Variants in FAM83E observed in about 807,000 individuals in gnomAD.
FAM83E encodes protein FAM83E.
A neutral mutation model predicts 34.3 loss-of-function variants in FAM83E; 29 were observed. The ratio of observed to expected loss-of-function variants is 0.85; its 90% CI spans 0.63 to 1.15. The LOEUF (loss-of-function observed/expected upper bound fraction) is 1.15, where lower values mean the gene tolerates loss of function less well. Among genes scored for constraint, FAM83E ranks in the 50% most tolerant of loss-of-function variants. The pLI, the probability that FAM83E is intolerant of heterozygous loss-of-function variation, is 0.00. For synonymous variants in FAM83E, 312 were observed against 311.6 expected (o/e 1.00, Z -0.01); for missense variants, 697 against 685.0 (o/e 1.02, Z -0.20).
chr19:48,603,785 G>C lies in FAM83E; in HGVS notation c.885C>G (p.Pro295=), dbSNP rs776459625. The C allele has an allele frequency of 3.2e-5, 51 of 1,591,804 alleles. No homozygotes were observed. The highest frequency in any genetic ancestry group is 3.8e-5 in the Non-Finnish European group (45 of 1,171,046). ...YAASCPLPPA[P]PQKPSVIGGL... ...CACCTATGACCGAGGGTTTCTGGGG[G>C]GGCGCAGGTGGGAGCGGGCAGGAGG... The change falls in exon 6 of 7, where the codon CCC becomes CCG. Residue 295 remains proline (P), a synonymous_variant. Transcript: ENST00000263266.
intron 4 of FAM83E, 82 bp downstream of exon 4, chr19:48,610,598 G>A (rs1470201014): frequency 3.1e-5 from 45 of 1,439,416 alleles, no homozygotes; most frequent in African/African-American, 5.7e-5. Flanking sequence ...TCAATGACCC[G>A]GAGCTCCATG....
chr19:48,613,932 C>A lies in FAM83E; in HGVS notation c.-560G>T. 1 of 985,420 alleles carries A rather than the reference C, an allele frequency of 1.0e-6. No homozygotes were observed. The highest frequency in any genetic ancestry group is 1.7e-5 in the African/African-American group (1 of 57,350). 61.0% of individuals were successfully genotyped at this position (985,420 alleles called of 1,614,324 possible). The stretch of plus-strand genomic sequence containing the variant: ...TGCCTGCCCCCGGCCAAGAGCACGA[C>A]GAACTGACCCTCTCCTTCCACTGTC... On this transcript the variant is annotated 5_prime_UTR_variant, in exon 3 of 7. Transcript: ENST00000263266.
At chr19:48,601,875 C>T (rs1230100888) in intron 6 of FAM83E, among the ~76,000 whole-genome samples, 15 of 150,220 alleles carry the variant, frequency 1.0e-4, no homozygotes, top group Non-Finnish European at 1.9e-4. Context: ...AGGCCGGACG[C>T]GGTGGCTCAC....
chr19:48,606,626 G>C (rs947136164), intron 5 of FAM83E: 1 of 280,606 alleles, frequency 3.6e-6, no homozygotes, highest in South Asian at 6.3e-5. Flanking sequence ...GCCCTCTTGC[G>C]CCCCGGCAGG....
chr19:48,603,340 A>G (rs1310496720), intron 6 of FAM83E, among the ~76,000 whole-genome samples, 154 bp downstream of exon 6: 1 of 152,190 alleles, frequency 6.6e-6, no homozygotes, highest in East Asian at 1.9e-4. Flanking sequence ...CAGGAAATGA[A>G]CAAACGATGC....
chr19:48,610,741 T>G lies in FAM83E; in HGVS notation c.572A>C (p.Gln191Pro). Reference protein sequence around the residue: ...WVPVYLLLDRQQLPAFLELAQ... With the variant: ...WVPVYLLLDRPQLPAFLELAQ... ...CAGTTCCAGGAAGGCAGGCAGCTGC[T>G]GGCGGTCCAGGAGCAGGTAGACAGG... The change falls in exon 4 of 7, where the codon CAG becomes CCG. Residue 191 changes from glutamine (Q) to proline (P), a missense_variant. Coordinates refer to ENST00000263266, the MANE Select transcript of FAM83E (RefSeq NM_017708.4). 1 of 1,587,604 alleles carries G rather than the reference T, an allele frequency of 6.3e-7. No individual in the cohort carries two copies. The highest frequency in any genetic ancestry group is 8.6e-7 in the Non-Finnish European group (1 of 1,167,340).
intron 4 of FAM83E, 105 bp from the exon 5 acceptor site, chr19:48,610,105 G>A (rs1449777136): frequency 6.9e-7 from 1 of 1,448,098 alleles, no homozygotes; most frequent in Non-Finnish European, 9.3e-7. Flanking sequence ...CTCCATAGAA[G>A]TATCTGTCCA....
At position 48,603,703 on chromosome 19, in the gene FAM83E, C is replaced by T. The variant is rs1361534788; in HGVS notation, c.967G>A (p.Ala323Thr). 3 of 1,376,960 alleles carry T rather than the reference C, an allele frequency of 2.2e-6. No homozygotes were observed. Among genetic ancestry groups the T allele is most frequent in the East Asian group, 3.2e-5 (1 of 31,564 alleles). 85.3% of individuals were successfully genotyped at this position (1,376,960 alleles called of 1,614,324 possible). Residue 323 changes from alanine to threonine, a missense_variant, in exon 6 of 7, where the codon GCG becomes ACG. Coordinates refer to ENST00000263266, the MANE Select transcript of FAM83E (RefSeq NM_017708.4). Reference protein sequence around the residue: ...RVSRRRSVAPASPPPPDGPLA... With the variant: ...RVSRRRSVAPTSPPPPDGPLA... ...GGGCCGTCAGGCGGCGGAGGCGACG[C>T]GGGGGCCACGGAGCGGCGGCGGGAC...
At chr19:48,603,186 C>T (rs533997459) in intron 6 of FAM83E, among the ~76,000 whole-genome samples, 1 of 152,208 alleles carries the variant, frequency 6.6e-6, no homozygotes, top group Admixed American at 6.6e-5. Context: ...TCTGCTCCTT[C>T]CTAGATGAGG....
rs757730100 is a variant in FAM83E, at chr19:48,603,578, G to A, written c.1092C>T (p.Ser364=). 5.8e-6 allele frequency: 9 copies of A among 1,551,148 alleles called. No individual in the cohort carries two copies. In the East Asian group the frequency reaches 1.5e-4, roughly 27 times the overall value. The change falls in exon 6 of 7, where the codon AGC becomes AGT. Residue 364 remains serine (S), a synonymous_variant. Coordinates refer to ENST00000263266, the MANE Select transcript of FAM83E (RefSeq NM_017708.4). ...AGCGGCTGGGCCGGGCCGGGGGGCC[G>A]CTGGGGGTCCGGGCGCGCTGCACAC... is the stretch of plus-strand genomic sequence containing the variant. The part of the protein sequence containing the change: ...LRSVQRARTP[S]GPPARPSRSM...
chr19:48,606,294 G>T (rs947562749), intron 5 of FAM83E, among the ~76,000 whole-genome samples: 1 of 152,188 alleles, frequency 6.6e-6, no homozygotes. Flanking sequence ...CTGGGTGACA[G>T]AGTGAGAGAC....
intron 3 of FAM83E, 131 bp from the exon 4 acceptor site, chr19:48,610,978 GT>G: frequency 1.1e-6 from 1 of 908,352 alleles, no homozygotes; most frequent in Non-Finnish European, 1.7e-6. Context: ...TAAAGTTCAG[GT>G]GGGCTAAAGG....
chr19:48,607,354 C>T, intron 5 of FAM83E: 1 of 1,582,312 alleles, frequency 6.3e-7, no homozygotes, highest in South Asian at 1.1e-5. Context: ...TTTGCTGTGA[C>T]CAACAGGGAG....
intron 5 of FAM83E, among the ~76,000 whole-genome samples, chr19:48,605,019 C>CAAAAAA (rs72014229): frequency 4.0e-5 from 3 of 75,720 alleles, no homozygotes; most frequent in Non-Finnish European, 5.8e-5. Context: ...GACTCTGACT[C>CAAAAAA]AAAAAAAAAA....
Position 48,601,073 on chromosome 19 carries a change from C to G in FAM83E, c.*36G>C. ...AGCCGACAGTTGTCCGGCACTGCTCCTTGGGTGGGCCAGCAGATTTGGCTT... is the reference window on the plus strand; with the variant it reads ...AGCCGACAGTTGTCCGGCACTGCTCGTTGGGTGGGCCAGCAGATTTGGCTT... On this transcript the variant is annotated 3_prime_UTR_variant, in exon 7 of 7. Coordinates refer to ENST00000263266, the MANE Select transcript of FAM83E (RefSeq NM_017708.4). The G allele has an allele frequency of 6.3e-7, 1 of 1,586,608 alleles. No homozygotes were observed. The highest frequency in any genetic ancestry group is 1.1e-5 in the South Asian group (1 of 87,350).
rs183095730 is a variant in FAM83E at position 48,604,953 on chromosome 19, G to A, written c.759-1042C>T. 1.7e-3 allele frequency among the ~76,000 whole-genome samples: 247 copies of A among 149,356 alleles called. 1 individual carries two copies. Among genetic ancestry groups the A allele is most frequent in the Non-Finnish European group, 3.1e-3 (209 of 67,614 alleles). ...GAGAATTGCTTGAACCCGGGAGGTG[G>A]AGGTTGCAGTGAGCTGAAATCACAC... On this transcript the variant is annotated intron_variant, in intron 5 of 6. Transcript: ENST00000263266.
rs761737731 is a variant in FAM83E, at chr19:48,610,742, G to A, written c.571C>T (p.Gln191Ter). The change falls in exon 4 of 7, where the codon CAG (glutamine) becomes TAG (stop). Residue 191 changes from glutamine (Q) to a stop codon, truncating the protein, a stop_gained. Coordinates refer to ENST00000263266, the MANE Select transcript of FAM83E (RefSeq NM_017708.4). LOFTEE classifies it high-confidence loss of function. ...WVPVYLLLDR[Q>*]QLPAFLELAQ... ...AGTTCCAGGAAGGCAGGCAGCTGCT[G>A]GCGGTCCAGGAGCAGGTAGACAGGT... is the stretch of plus-strand genomic sequence containing the variant. 9.5e-6 allele frequency: 15 copies of A among 1,587,248 alleles called. No homozygotes were observed. The highest frequency in any genetic ancestry group is 1.2e-5 in the Non-Finnish European group (14 of 1,167,144).
Position 48,610,012 on chromosome 19 carries a change from G to C in FAM83E, c.634-12C>G, listed in dbSNP as rs1974013592. The C allele has an allele frequency of 6.2e-7, 1 of 1,609,516 alleles. No individual in the cohort carries two copies. Among genetic ancestry groups the C allele is most frequent in the East Asian group, 2.2e-5 (1 of 44,860 alleles). On this transcript the variant is annotated splice_polypyrimidine_tract_variant and intron_variant, in intron 4 of 6. Coordinates refer to ENST00000263266, the MANE Select transcript of FAM83E (RefSeq NM_017708.4). ...CGGACATCCACGTTCTGTTGGTGTG[G>C]GGAGTGGAGGGTACACCCTTGCTGA...
At chr19:48,606,306 C>T (rs1354741107) in intron 5 of FAM83E, among the ~76,000 whole-genome samples, 1 of 152,076 alleles carries the variant, frequency 6.6e-6, no homozygotes, top group Non-Finnish European at 1.5e-5. Context: ...GTGAGAGACT[C>T]CGTCTCAAAA....
Sources: gnomAD v4.1 joint callset for allele counts (sites outside exome capture counted in the v4.1 genomes callset) on GRCh38, gnomAD v4.1.1 for gene constraint, MANE v1.5 for transcripts, NCBI Gene and HGNC (gene_info 2026-07-23, HGNC 2026-07-21) for gene names.